KCNH8: variants seen among roughly 807,000 people sequenced by gnomAD.
The protein encoded by KCNH8 is potassium voltage-gated channel subfamily H member 8.
In KCNH8, 70 loss-of-function variants were observed where a neutral mutation model predicts 103.6. The observed-to-expected ratio is 0.68, with a 90% CI of 0.56 to 0.82. KCNH8 has a LOEUF of 0.82. Among genes scored for constraint, KCNH8 ranks in the 40% least tolerant of loss-of-function variants. KCNH8 has a pLI of 0.00. For synonymous variants in KCNH8, 498 were observed against 489.4 expected, an observed-to-expected ratio of 1.02 and a Z score of -0.23; for missense variants, 1,217 against 1,329.9, an observed-to-expected ratio of 0.92 and a Z score of 1.32.
intron 11 of KCNH8, among the ~76,000 whole-genome samples, chr3:19,484,757 G>C (rs2068168948): frequency 6.6e-6 from 1 of 152,122 alleles, no homozygotes; most frequent in Non-Finnish European, 1.5e-5. Flanking sequence ...GATGAACTGG[G>C]GAGAATAAGC....
intron 11 of KCNH8, among the ~76,000 whole-genome samples, 163 bp from the exon 12 acceptor site, chr3:19,510,200 T>C (rs1222158788): frequency 6.6e-6 from 1 of 152,064 alleles, no homozygotes; most frequent in East Asian, 1.9e-4. Flanking sequence ...GTAGAAGGTG[T>C]TTTCTCTTCT....
intron 5 of KCNH8, among the ~76,000 whole-genome samples, chr3:19,357,361 C>T (rs1192781122): frequency 2.6e-5 from 4 of 151,648 alleles, no homozygotes; most frequent in Non-Finnish European, 5.9e-5. Flanking sequence ...ATGTGGATGG[C>T]CAAGCAGAAA....
At chr3:19,487,961 G>A (rs954629739) in intron 11 of KCNH8, among the ~76,000 whole-genome samples, 2 of 152,158 alleles carry the variant, frequency 1.3e-5, no homozygotes, top group Non-Finnish European at 2.9e-5. Context: ...GGGTAAGGGG[G>A]TGACCGGGGT....
chr3:19,461,943 C>T (rs941534886), intron 11 of KCNH8, among the ~76,000 whole-genome samples: 1 of 152,174 alleles, frequency 6.6e-6, no homozygotes, highest in Non-Finnish European at 1.5e-5. Flanking sequence ...TTTCCAGCTT[C>T]ATCCATGTCC....
rs768153786 is a variant in KCNH8 at position 19,533,731 on chromosome 3, T to C, written c.2956T>C (p.Tyr986His). The C allele has an allele frequency of 1.9e-6, 3 of 1,614,208 alleles. No homozygotes were observed. Among genetic ancestry groups the C allele is most frequent in the African/African-American group, 1.3e-5 (1 of 75,068 alleles). The change falls in exon 16 of 16, where the codon TAT becomes CAT. Residue 986 changes from tyrosine to histidine, a missense_variant. Transcript: ENST00000328405. ...HEQNPADSEL[Y>H]HSPSLDYSPS... ...GCAAAATCCTGCAGACAGTGAACTT[T>C]ATCATTCTCCAAGCCTTGATTATTC... is the stretch of plus-strand genomic sequence containing the variant.
intron 4 of KCNH8, among the ~76,000 whole-genome samples, chr3:19,346,377 G>T (rs2065729528): frequency 6.6e-6 from 1 of 152,050 alleles, no homozygotes. Flanking sequence ...TGAGGGAATT[G>T]TATGAAACAT....
intron 8 of KCNH8, among the ~76,000 whole-genome samples, chr3:19,443,161 A>G (rs914174944): frequency 1.3e-5 from 2 of 151,900 alleles, no homozygotes; most frequent in African/African-American, 2.4e-5. Flanking sequence ...AAGGCTGATG[A>G]AATTGCTAAT....
intron 11 of KCNH8, among the ~76,000 whole-genome samples, chr3:19,496,855 T>G (rs1559357077): frequency 6.6e-6 from 1 of 152,164 alleles, no homozygotes; most frequent in African/African-American, 2.4e-5. Flanking sequence ...TTTTTATTAC[T>G]GTTTCAATTT....
At position 19,518,000 on chromosome 3, in the gene KCNH8, C is replaced by G. The variant is rs2068904148; in HGVS notation, c.2545C>G (p.Pro849Ala). ...EPRISPPLGD[P>A]EIGAAVLFIK... is the part of the protein sequence containing the mutation. Reference sequence around the variant, plus strand: ...TCTGTATGTGTGTCACTTTTCAGATCCAGAGATTGGAGCTGCTGTTCTCTT... The same window carrying G: ...TCTGTATGTGTGTCACTTTTCAGATGCAGAGATTGGAGCTGCTGTTCTCTT... The change falls in exon 15 of 16, where the codon CCA (proline) becomes GCA (alanine). Residue 849 changes from proline to alanine, a missense_variant and splice_region_variant. By Grantham distance (27) the Pro-to-Ala change is conservative (BLOSUM62 -1). Coordinates refer to ENST00000328405, the MANE Select transcript of KCNH8 (RefSeq NM_144633.3). The G allele has an allele frequency of 6.2e-7, 1 of 1,611,528 alleles. No individual in the cohort carries two copies. The highest frequency in any genetic ancestry group is 1.3e-5 in the African/African-American group (1 of 74,748).
At chr3:19,258,082 C>T (rs940804050) in intron 2 of KCNH8, among the ~76,000 whole-genome samples, 1 of 151,978 alleles carries the variant, frequency 6.6e-6, no homozygotes, top group Admixed American at 6.6e-5. Flanking sequence ...CTCTAATGAC[C>T]TCCTTTTAAC....
chr3:19,294,309 G>T (rs2064967571), intron 3 of KCNH8, among the ~76,000 whole-genome samples: 1 of 152,160 alleles, frequency 6.6e-6, no homozygotes, highest in South Asian at 2.1e-4. Flanking sequence ...TACGGTGATT[G>T]ATATGTACTT....
rs9869550 is a variant in KCNH8 at position 19,262,290 on chromosome 3, C to T, written c.310+8403C>T. Among the ~76,000 whole-genome samples, 1,173 of 151,966 alleles carry T rather than the reference C, an allele frequency of 7.7e-3. 14 individuals are homozygous for T. The highest frequency in any genetic ancestry group is 0.027 in the African/African-American group (1,126 of 41,512). Reference sequence around the variant, plus strand: ...CCTCTTCAGTGTCTTTCATCAGTGTCGTATAGCTTTCAGTGTAGATATCCT... The same window carrying T: ...CCTCTTCAGTGTCTTTCATCAGTGTTGTATAGCTTTCAGTGTAGATATCCT... On this transcript the variant is annotated intron_variant, in intron 2 of 15. Coordinates refer to ENST00000328405, the MANE Select transcript of KCNH8 (RefSeq NM_144633.3).
At chr3:19,399,138 A>G (rs1160801304) in intron 7 of KCNH8, among the ~76,000 whole-genome samples, 2 of 151,942 alleles carry the variant, frequency 1.3e-5, no homozygotes, top group Non-Finnish European at 2.9e-5. Flanking sequence ...TGGAATTTAG[A>G]TATAGTGCTT....
At chr3:19,239,062 G>A (rs1480695795) in intron 1 of KCNH8, among the ~76,000 whole-genome samples, 2 of 152,138 alleles carry the variant, frequency 1.3e-5, no homozygotes, top group African/African-American at 4.8e-5. Flanking sequence ...GGAATAAATA[G>A]GGAAATACTG....
intron 5 of KCNH8, among the ~76,000 whole-genome samples, chr3:19,351,739 C>CTAAACATGGAAAGGAA (rs1309830861): frequency 2.0e-5 from 3 of 152,072 alleles, no homozygotes; most frequent in African/African-American, 7.2e-5. Context: ...GAAGAAAGCA[C>CTAAACATGGAAAGGAA]TAAACATGGA....
rs1254420219 is a variant in KCNH8 at position 19,175,920 on chromosome 3, C to A, written c.76+27125C>A. Among the ~76,000 whole-genome samples, 6 of 152,188 alleles carry A rather than the reference C, an allele frequency of 3.9e-5. No individual in the cohort carries two copies. In the South Asian group the frequency reaches 6.2e-4, roughly 16 times the overall value. ...AATACAAGTCCAAGTTCCCGTATGG[C>A]ACTCAGATTTCACATTTTCCTCAAT... On this transcript the variant is annotated intron_variant, in intron 1 of 15. Coordinates refer to ENST00000328405, the MANE Select transcript of KCNH8 (RefSeq NM_144633.3).
At chr3:19,247,925 C>T (rs2064226525) in intron 1 of KCNH8, among the ~76,000 whole-genome samples, 1 of 152,122 alleles carries the variant, frequency 6.6e-6, no homozygotes, top group Non-Finnish European at 1.5e-5. Flanking sequence ...TCTTCTTGAG[C>T]ATACACTATT....
At chr3:19,503,953 T>A (rs1019774561) in intron 11 of KCNH8, among the ~76,000 whole-genome samples, 29 of 151,532 alleles carry the variant, frequency 1.9e-4, no homozygotes, top group African/African-American at 6.8e-4. Context: ...TAAAGAAAAT[T>A]ACTTTCTTTA....
In KCNH8 at chr3:19,376,573, C is replaced by T. The variant is rs1440446343; in HGVS notation, c.812-13908C>T. Among the ~76,000 whole-genome samples the T allele has an allele frequency of 7.2e-5, 11 of 152,314 alleles. No homozygotes were observed. The South Asian group carries it at 2.1e-3, about 29-fold the overall frequency. On this transcript the variant is annotated intron_variant, in intron 5 of 15. Transcript: ENST00000328405. Reference sequence around the variant, plus strand: ...TCACCCGTCTTCTGTGTCGCTCACGCTGGGAGCTGTAGACCGGAGCTGTTC... The same window carrying T: ...TCACCCGTCTTCTGTGTCGCTCACGTTGGGAGCTGTAGACCGGAGCTGTTC...
Sources: gnomAD v4.1 joint callset for allele counts (sites outside exome capture counted in the v4.1 genomes callset) on GRCh38, gnomAD v4.1.1 for gene constraint, MANE v1.5 for transcripts, NCBI Gene and HGNC (gene_info 2026-07-23, HGNC 2026-07-21) for gene names.